VPS13D: variants seen among roughly 807,000 people sequenced by gnomAD.
VPS13D encodes the protein intermembrane lipid transfer protein VPS13D.
A neutral mutation model predicts 461.9 loss-of-function variants in VPS13D; 187 were observed. That is an observed-to-expected ratio of 0.40 (90% CI 0.36 to 0.46). The LOEUF (loss-of-function observed/expected upper bound fraction) is 0.46. Among genes scored for constraint, VPS13D ranks in the 20% least tolerant of loss-of-function variants. The probability of loss-of-function intolerance (pLI) is 0.60; values close to 1 mark genes in which losing one functional copy is unlikely to be tolerated. For missense variants in VPS13D, 4,711 were observed against 5,364.9 expected, an observed-to-expected ratio of 0.88 and a Z score of 3.81; for synonymous variants, 1,951 against 1,986.3, an observed-to-expected ratio of 0.98 and a Z score of 0.47.
intron 67 of VPS13D, 82 bp from the exon 68 acceptor site, chr1:12,497,418 G>A (rs180987752): frequency 6.7e-7 from 1 of 1,496,466 alleles, no homozygotes; most frequent in East Asian, 2.3e-5. Context: ...GTATTACAGA[G>A]TGCTTTTGTC....
Position 12,415,159 on chromosome 1 carries a change from C to G in VPS13D, c.12103C>G (p.Arg4035Gly). Residue 4035 changes from arginine (R) to glycine (G), a missense_variant, in exon 64 of 70, where the codon CGG (arginine) becomes GGG (glycine). Around this residue, in one of 3 missense-constraint regions of VPS13D, gnomAD observed 4,411 missense variants for 4,937.8 expected, o/e 0.89. Coordinates refer to ENST00000620676, the MANE Select transcript of VPS13D (RefSeq NM_015378.4). ...DAVINLDPFT[R>G]VHPYETKEFI... The stretch of plus-strand genomic sequence containing the variant: ...TGTGATTAATCTAGATCCATTCACT[C>G]GGGTACATCCCTATGAGACCAAGGA... 1 of 1,614,112 alleles carries G rather than the reference C, an allele frequency of 6.2e-7. No homozygotes were observed. The highest frequency in any genetic ancestry group is 8.5e-7 in the Non-Finnish European group (1 of 1,179,984).
intron 63 of VPS13D, among the ~76,000 whole-genome samples, chr1:12,405,152 G>T (rs1318412735): frequency 6.6e-6 from 1 of 152,212 alleles, no homozygotes; most frequent in East Asian, 1.9e-4. Flanking sequence ...TGCCCAACCA[G>T]GAGTGCCTGC....
At chr1:12,256,867 G>T in intron 8 of VPS13D, 120 bp from the exon 9 acceptor site, 2 of 1,058,092 alleles carry the variant, frequency 1.9e-6, no homozygotes, top group East Asian at 2.5e-5. Flanking sequence ...CTTTCAGTTT[G>T]CACTGGGTTT....
At position 12,376,664 on chromosome 1, in the gene VPS13D, C is replaced by G. The variant is rs560654643; in HGVS notation, c.10918-1764C>G. On this transcript the variant is annotated intron_variant, in intron 55 of 69. Transcript: ENST00000620676. ...CATTTTGACTCCAATGTTCATGCTA[C>G]TTTGTTAGTTTTTACCTTGTAGAAT... Among the ~76,000 whole-genome samples, 19 of 152,290 alleles carry G rather than the reference C, an allele frequency of 1.2e-4. No homozygotes were observed. The East Asian group carries it at 3.3e-3, about 26-fold the overall frequency.
At chr1:12,332,308 T>C (rs1190736780) in intron 37 of VPS13D, among the ~76,000 whole-genome samples, 2 of 152,236 alleles carry the variant, frequency 1.3e-5, no homozygotes, top group African/African-American at 4.8e-5. Context: ...GTGAATGTCT[T>C]TCAGAAGTAG....
At chr1:12,304,960 A>T (rs186024674) in intron 26 of VPS13D, among the ~76,000 whole-genome samples, 43 of 152,346 alleles carry the variant, frequency 2.8e-4, no homozygotes, top group African/African-American at 1.0e-3. Flanking sequence ...AGTGTAATTA[A>T]AGAGATTTTT....
At chr1:12,345,051 C>T in intron 42 of VPS13D, 1 of 216,368 alleles carries the variant, frequency 4.6e-6, no homozygotes, top group Non-Finnish European at 9.2e-6. Context: ...TTTTTACCAC[C>T]CCAGTGACAT....
At chr1:12,254,283 C>T (rs1244169120) in intron 7 of VPS13D, among the ~76,000 whole-genome samples, 1 of 152,056 alleles carries the variant, frequency 6.6e-6, no homozygotes, top group East Asian at 1.9e-4. Context: ...TCAAGCAATC[C>T]TCCTGCTTTG....
rs372487013 is a variant in VPS13D, at chr1:12,349,201, G to A, written c.9258G>A (p.Ser3086=). Residue 3086 remains serine (S), a synonymous_variant, in exon 46 of 70, where the codon TCG becomes TCA. Coordinates refer to ENST00000620676, the MANE Select transcript of VPS13D (RefSeq NM_015378.4). The stretch of plus-strand genomic sequence containing the variant: ...TTCCTGCTATCATGCCAGGGGATTC[G>A]TTTGCTGTGCCTTTACACCTCACTT... ...VVLPAIMPGD[S]FAVPLHLTSW... The A allele has an allele frequency of 4.5e-5, 73 of 1,613,970 alleles. No individual in the cohort carries two copies. The highest frequency in any genetic ancestry group is 1.7e-4 in the Middle Eastern group (1 of 6,000).
intron 23 of VPS13D, among the ~76,000 whole-genome samples, chr1:12,292,262 CAAAAAAA>C (rs766212937): frequency 2.4e-4 from 3 of 12,246 alleles, no homozygotes; most frequent in South Asian, 4.8e-3. Context: ...AACTCCATCT[CAAAAAAA>C]AAAAAAAAAA....
Position 12,382,340 on chromosome 1 carries a change from G to A in VPS13D, c.11191-636G>A, listed in dbSNP as rs555231102. 6.6e-5 allele frequency among the ~76,000 whole-genome samples: 10 copies of A among 152,224 alleles called. No individual in the cohort carries two copies. The South Asian group carries it at 1.5e-3, about 22-fold the overall frequency. ...TGGTCTCAAACTCCTGACCTCAGAT[G>A]ATTCGCCCGCCTTGGCCTCCCGAAG... is the stretch of plus-strand genomic sequence containing the variant. On this transcript the variant is annotated intron_variant, in intron 57 of 69. Coordinates refer to ENST00000620676, the MANE Select transcript of VPS13D (RefSeq NM_015378.4).
At chr1:12,400,389 TCA>T in intron 61 of VPS13D, 59 bp downstream of exon 61, 1 of 1,590,746 alleles carries the variant, frequency 6.3e-7, no homozygotes, top group South Asian at 1.1e-5. Context: ...ATTTGTTCTC[TCA>T]CAGCCAAGTC....
At position 12,282,965 on chromosome 1, in the gene VPS13D, C is replaced by G; in HGVS notation, c.4863C>G (p.Thr1621=). Residue 1621 remains threonine (T), a synonymous_variant, in exon 21 of 70, where the codon ACC becomes ACG. Transcript: ENST00000620676. ...EVKSFTQIQA[T]FCISELQVQL... Reference sequence around the variant, plus strand: ...AATCCTTTACTCAGATTCAAGCCACCTTTTGTATATCAGAGCTTCAGGTTC... The same window carrying G: ...AATCCTTTACTCAGATTCAAGCCACGTTTTGTATATCAGAGCTTCAGGTTC... 2 of 1,614,152 alleles carry G rather than the reference C, an allele frequency of 1.2e-6. No individual in the cohort carries two copies. The highest frequency in any genetic ancestry group is 1.7e-6 in the Non-Finnish European group (2 of 1,180,016).
At chr1:12,431,324 A>G (rs1222646223) in intron 65 of VPS13D, among the ~76,000 whole-genome samples, 1 of 151,978 alleles carries the variant, frequency 6.6e-6, no homozygotes, top group African/African-American at 2.4e-5. Context: ...TGGATAGCAG[A>G]TTTGGGAAAG....
At chr1:12,466,509 G>A (rs1370139204) in intron 67 of VPS13D, among the ~76,000 whole-genome samples, 4 of 152,110 alleles carry the variant, frequency 2.6e-5, no homozygotes, top group African/African-American at 9.7e-5. Context: ...TCCATGTTTG[G>A]CTTAATAAGA....
chr1:12,298,923 T>C (rs181151270), intron 24 of VPS13D, among the ~76,000 whole-genome samples: 60 of 152,336 alleles, frequency 3.9e-4, no homozygotes, highest in Non-Finnish European at 7.4e-4. Context: ...GTATTATGTC[T>C]TCCTTATCAT....
chr1:12,244,818 C>CA (rs1640495250), intron 5 of VPS13D, among the ~76,000 whole-genome samples: 1 of 152,134 alleles, frequency 6.6e-6, no homozygotes. Context: ...GTGGCAGACA[C>CA]AGAGTTTTCT....
In VPS13D at chr1:12,368,061, A is replaced by G. The variant is rs184394193; in HGVS notation, c.10449-407A>G. On this transcript the variant is annotated intron_variant, in intron 52 of 69. Transcript: ENST00000620676. ...GCTGGGATTATAGGTGTGAGCCACC[A>G]TGCCCAGCCAGAAATGCTGATTTTT... 9.8e-3 allele frequency among the ~76,000 whole-genome samples: 1,500 copies of G among 152,304 alleles called. 18 individuals are homozygous for G. Among genetic ancestry groups the G allele is most frequent in the African/African-American group, 0.034 (1,399 of 41,568 alleles).
chr1:12,501,876 G>C (rs1201544908), intron 68 of VPS13D, among the ~76,000 whole-genome samples: 2 of 152,224 alleles, frequency 1.3e-5, no homozygotes, highest in East Asian at 3.8e-4. Context: ...CCTTGCAGGA[G>C]GCGGAGGAAT....
Sources: allele counts gnomAD v4.1 joint callset (sites outside exome capture counted in the v4.1 genomes callset), GRCh38; gene constraint gnomAD v4.1.1; regional missense constraint gnomAD v4.1.1; transcripts MANE v1.5; gene names NCBI Gene and HGNC (gene_info 2026-07-23, HGNC 2026-07-21).